EHBP1: variants seen among roughly 807,000 people sequenced by gnomAD.
The protein encoded by EHBP1 is EH domain-binding protein 1.
In EHBP1, 55 loss-of-function variants were observed where a neutral mutation model predicts 144.0. The observed-to-expected ratio is 0.38, with a 90% CI of 0.31 to 0.48. The LOEUF is 0.48. Ranked by LOEUF, EHBP1 falls within the 20% of genes least tolerant of loss-of-function variation. EHBP1 has a pLI of 0.98. For missense variants in EHBP1, 1,200 were observed against 1,364.2 expected (o/e 0.88, Z 1.90); for synonymous variants, 469 against 472.7 (o/e 0.99, Z 0.10).
chr2:62,732,378 G>A (rs919918547), intron 2 of EHBP1, among the ~76,000 whole-genome samples: 1 of 152,012 alleles, frequency 6.6e-6, no homozygotes, highest in African/African-American at 2.4e-5. Context: ...GTGTATTTAT[G>A]TCTGATACGG....
chr2:63,026,712 C>A (rs759908091), intron 19 of EHBP1, among the ~76,000 whole-genome samples: 1 of 152,162 alleles, frequency 6.6e-6, no homozygotes, highest in African/African-American at 2.4e-5. Context: ...AAGAAGTGAA[C>A]AGGTCTCGTC....
chr2:62,849,221 C>T (rs979056438), intron 7 of EHBP1, among the ~76,000 whole-genome samples: 2 of 151,882 alleles, frequency 1.3e-5, no homozygotes, highest in African/African-American at 2.4e-5. Context: ...TAGGAAAAAC[C>T]AGCTGTCATG....
chr2:62,834,525 A>T (rs1302159353), intron 7 of EHBP1, among the ~76,000 whole-genome samples: 3 of 152,238 alleles, frequency 2.0e-5, no homozygotes, highest in Non-Finnish European at 4.4e-5. Flanking sequence ...TTTTTTAATT[A>T]AGGTATATAT....
At chr2:62,855,923 G>C (rs935025558) in intron 7 of EHBP1, among the ~76,000 whole-genome samples, 1 of 152,154 alleles carries the variant, frequency 6.6e-6, no homozygotes, top group Admixed American at 6.5e-5. Flanking sequence ...TCTCTGCTGA[G>C]AGCTGCAGAG....
chr2:62,982,015 A>G (rs2058994781), intron 15 of EHBP1, among the ~76,000 whole-genome samples: 1 of 152,218 alleles, frequency 6.6e-6, no homozygotes, highest in African/African-American at 2.4e-5. Flanking sequence ...ACGCAGGCCT[A>G]TTTCCTGTCC....
At chr2:62,828,052 A>G (rs575368676) in intron 6 of EHBP1, among the ~76,000 whole-genome samples, 16 of 152,330 alleles carry the variant, frequency 1.1e-4, no homozygotes, top group African/African-American at 3.6e-4. Flanking sequence ...ACGTAAGGTA[A>G]TAACTTTTTT....
intron 5 of EHBP1, among the ~76,000 whole-genome samples, chr2:62,803,266 A>T (rs941308441): frequency 6.6e-6 from 1 of 151,774 alleles, no homozygotes; most frequent in African/African-American, 2.4e-5. Flanking sequence ...GCACACGTGC[A>T]TGATAGATTC....
At chr2:62,756,897 A>C (rs2040341532) in intron 3 of EHBP1, among the ~76,000 whole-genome samples, 1 of 152,168 alleles carries the variant, frequency 6.6e-6, no homozygotes, top group Admixed American at 6.5e-5. Flanking sequence ...AAAGTTAAGC[A>C]ACTGAAAAAG....
intron 5 of EHBP1, among the ~76,000 whole-genome samples, chr2:62,815,912 G>A (rs183642281): frequency 5.9e-5 from 9 of 152,198 alleles, no homozygotes; most frequent in Admixed American, 4.6e-4. Context: ...GCAAAGTCAC[G>A]CCTGGATAAA....
intron 5 of EHBP1, among the ~76,000 whole-genome samples, chr2:62,791,699 A>G (rs2043178334): frequency 6.6e-6 from 1 of 151,972 alleles, no homozygotes; most frequent in Non-Finnish European, 1.5e-5. Flanking sequence ...AATTTTAATG[A>G]TGTTTTAAAT....
intron 2 of EHBP1, among the ~76,000 whole-genome samples, chr2:62,732,267 G>A (rs542469967): frequency 6.6e-6 from 1 of 152,238 alleles, no homozygotes; most frequent in Admixed American, 6.5e-5. Context: ...GTGGTTTGGT[G>A]TCTATTAATT....
At chr2:62,782,111 T>C (rs2042464785) in intron 5 of EHBP1, among the ~76,000 whole-genome samples, 1 of 152,188 alleles carries the variant, frequency 6.6e-6, no homozygotes, top group Non-Finnish European at 1.5e-5. Flanking sequence ...ACTCACTCAA[T>C]CATCAAACAT....
intron 7 of EHBP1, among the ~76,000 whole-genome samples, chr2:62,844,155 T>C (rs892374329): frequency 1.6e-4 from 24 of 152,202 alleles, no homozygotes; most frequent in African/African-American, 5.3e-4. Flanking sequence ...TAGTGAGTAA[T>C]TTCTTATGGA....
chr2:62,717,773 C>T (rs2035829743), intron 2 of EHBP1, among the ~76,000 whole-genome samples: 1 of 151,698 alleles, frequency 6.6e-6, no homozygotes, highest in Admixed American at 6.6e-5. Flanking sequence ...AATTTGATAA[C>T]CTGCCTATGT....
chr2:62,861,124 C>CTTTTTTT (rs935207202), intron 8 of EHBP1, among the ~76,000 whole-genome samples: 10 of 94,206 alleles, frequency 1.1e-4, no homozygotes, highest in Non-Finnish European at 1.6e-4. Context: ...GCTTGAGTGG[C>CTTTTTTT]TTTTTTTTTT....
intron 10 of EHBP1, among the ~76,000 whole-genome samples, chr2:62,941,250 T>C (rs1358606294): frequency 6.6e-6 from 1 of 152,174 alleles, no homozygotes; most frequent in Non-Finnish European, 1.5e-5. Context: ...CAGTGGATCA[T>C]TACATGAAAA....
At chr2:62,699,640 G>A (rs573533709) in intron 1 of EHBP1, among the ~76,000 whole-genome samples, 1 of 152,288 alleles carries the variant, frequency 6.6e-6, no homozygotes, top group African/African-American at 2.4e-5. Context: ...TCCACAAAGG[G>A]ACAACTAGGC....
At chr2:62,912,722 TTTA>T (rs1432448132) in intron 10 of EHBP1, among the ~76,000 whole-genome samples, 1 of 152,128 alleles carries the variant, frequency 6.6e-6, no homozygotes, top group Non-Finnish European at 1.5e-5. Context: ...ATGGTCTGAG[TTTA>T]TTATTCATCT....
intron 5 of EHBP1, among the ~76,000 whole-genome samples, chr2:62,801,936 C>G (rs577891247): frequency 7.6e-4 from 115 of 152,152 alleles, no homozygotes; most frequent in Non-Finnish European, 1.2e-3. Context: ...AATGTTAAAT[C>G]GAAAGTGAAA....
Sources: allele counts gnomAD v4.1 joint callset (sites outside exome capture counted in the v4.1 genomes callset), GRCh38; gene constraint gnomAD v4.1.1; transcripts MANE v1.5; gene names NCBI Gene and HGNC (gene_info 2026-07-23, HGNC 2026-07-21).